The following IQSEC3 variants were observed in gnomAD, a reference collection of about 807,000 sequenced individuals.
IQSEC3 encodes IQ motif and SEC7 domain-containing protein 3.
IQSEC3 carries 50 observed loss-of-function variants against 105.4 expected under a neutral mutation model. The observed-to-expected ratio is 0.47, with a 90% CI of 0.38 to 0.60. IQSEC3 has a LOEUF of 0.60. Ranked by LOEUF, IQSEC3 falls within the 20% of genes least tolerant of loss-of-function variation. The pLI is 0.00. For missense variants in IQSEC3, 1,415 were observed against 1,630.0 expected (o/e 0.87, Z 2.27); for synonymous variants, 708 against 746.0 (o/e 0.95, Z 0.83).
At chr12:121,234 G>C (rs1354243784) in intron 2 of IQSEC3, among the ~76,000 whole-genome samples, 1 of 152,246 alleles carries the variant, frequency 6.6e-6, no homozygotes, top group Non-Finnish European at 1.5e-5. Context: ...CTGGGAGCTA[G>C]AGCGATGGGC....
chr12:147,524 C>A (rs1399207914), intron 5 of IQSEC3, among the ~76,000 whole-genome samples: 1 of 152,186 alleles, frequency 6.6e-6, no homozygotes, highest in Non-Finnish European at 1.5e-5. Flanking sequence ...GCCCTTAACC[C>A]TGCACCATCC....
chr12:153,216 C>T (rs967588841), intron 5 of IQSEC3, among the ~76,000 whole-genome samples: 1 of 152,044 alleles, frequency 6.6e-6, no homozygotes, highest in Admixed American at 6.5e-5. Flanking sequence ...CTGGAATGAG[C>T]AGGGCTTATG....
rs375816646 is a variant in IQSEC3 at position 121,833 on chromosome 12, C to T, written c.624-3800C>T. On this transcript the variant is annotated intron_variant, in intron 2 of 13. Coordinates refer to ENST00000538872, the MANE Select transcript of IQSEC3 (RefSeq NM_001170738.2). ...CCCTGTATTAGGGTCTACTGTGTTCCGGGCGCTGTCCTAGGTGCTGTGTGT... is the reference window on the plus strand; with the variant it reads ...CCCTGTATTAGGGTCTACTGTGTTCTGGGCGCTGTCCTAGGTGCTGTGTGT... Among the ~76,000 whole-genome samples, 20 of 152,284 alleles carry T rather than the reference C, an allele frequency of 1.3e-4. No homozygotes were observed. The East Asian group carries it at 1.7e-3, about 13-fold the overall frequency.
chr12:159,071 C>T (rs1866797727), intron 7 of IQSEC3, among the ~76,000 whole-genome samples: 1 of 152,238 alleles, frequency 6.6e-6, no homozygotes, highest in African/African-American at 2.4e-5. Context: ...CGTCAGTGCT[C>T]ATGTTATTAG....
intron 11 of IQSEC3, chr12:167,053 C>T (rs1231753275): frequency 6.6e-6 from 1 of 152,158 alleles, no homozygotes; most frequent in Admixed American, 6.5e-5. Context: ...TGGGATCCAT[C>T]GGACTGGACT....
intron 7 of IQSEC3, among the ~76,000 whole-genome samples, chr12:158,401 G>A (rs781848649): frequency 1.3e-5 from 2 of 151,900 alleles, no homozygotes; most frequent in South Asian, 2.1e-4. Flanking sequence ...TTTTTTAACT[G>A]GCATAAAGTC....
At chr12:172,103 C>G (rs568613699) in intron 13 of IQSEC3, among the ~76,000 whole-genome samples, 1 of 152,180 alleles carries the variant, frequency 6.6e-6, no homozygotes, top group Admixed American at 6.5e-5. Context: ...GCAACCCTAA[C>G]CTCGACCCGG....
intron 13 of IQSEC3, 183 bp downstream of exon 13, chr12:171,344 G>A (rs1555100231): frequency 6.2e-7 from 1 of 1,608,616 alleles, no homozygotes; most frequent in Non-Finnish European, 8.5e-7. Context: ...CACTGTTCCA[G>A]CGCCTAATTA....
At chr12:145,847 C>A (rs1474266696) in intron 5 of IQSEC3, among the ~76,000 whole-genome samples, 1 of 152,194 alleles carries the variant, frequency 6.6e-6, no homozygotes, top group Non-Finnish European at 1.5e-5. Flanking sequence ...TGGCTGTGAG[C>A]GGCCTCTTTC....
chr12:83,172 C>A (rs1278928430), intron 1 of IQSEC3, among the ~76,000 whole-genome samples: 1 of 152,134 alleles, frequency 6.6e-6, no homozygotes, highest in African/African-American at 2.4e-5. Context: ...GGCAGCTGAG[C>A]GTGGCATTGT....
intron 1 of IQSEC3, among the ~76,000 whole-genome samples, chr12:94,799 C>A (rs1864195578): frequency 6.6e-6 from 1 of 152,248 alleles, no homozygotes; most frequent in Admixed American, 6.5e-5. Context: ...CCCCCAGGCA[C>A]CACTGTGCCA....
rs545014666 is a variant in IQSEC3, at chr12:163,025, A to G, written c.2584-469A>G. ...GCCCCTTCTCTGGCCGTGCTCCCCA[A>G]GAAGCATGACAGGGATGAGCCCTGG... is the stretch of plus-strand genomic sequence containing the variant. On this transcript the variant is annotated intron_variant, in intron 8 of 13. Transcript: ENST00000538872. 3.9e-5 allele frequency among the ~76,000 whole-genome samples: 6 copies of G among 152,166 alleles called. No individual in the cohort carries two copies. The East Asian group carries it at 9.7e-4, about 25-fold the overall frequency.
At chr12:165,960 C>A in intron 11 of IQSEC3, 70 bp downstream of exon 11, 1 of 1,549,146 alleles carries the variant, frequency 6.5e-7, no homozygotes, top group Non-Finnish European at 8.8e-7. Flanking sequence ...CAGCTTGAGA[C>A]AGACATGCCT....
In IQSEC3 at chr12:153,686, G is replaced by T. The variant is rs146044766; in HGVS notation, c.2154-3339G>T. Among the ~76,000 whole-genome samples the T allele has an allele frequency of 9.5e-3, 1,446 of 152,320 alleles. 12 individuals carry two copies. The highest frequency in any genetic ancestry group is 0.014 in the Non-Finnish European group (976 of 68,022). On this transcript the variant is annotated intron_variant, in intron 5 of 13. Coordinates refer to ENST00000538872, the MANE Select transcript of IQSEC3 (RefSeq NM_001170738.2). ...GACGGCAGGTGCATAGCCAGGGGAA[G>T]AACTACATCTGTTTATGCCTCCATC... is the stretch of plus-strand genomic sequence containing the variant.
chr12:172,262 C>T (rs1939045327), intron 13 of IQSEC3, among the ~76,000 whole-genome samples: 1 of 150,954 alleles, frequency 6.6e-6, no homozygotes, highest in Non-Finnish European at 1.5e-5. Flanking sequence ...GGAGGAGGCA[C>T]CTTTACAAGG....
At chr12:97,046 T>C (rs1864260726) in intron 1 of IQSEC3, among the ~76,000 whole-genome samples, 1 of 152,250 alleles carries the variant, frequency 6.6e-6, no homozygotes, top group Non-Finnish European at 1.5e-5. Context: ...ATTGGCATTT[T>C]CCTATTTACT....
chr12:108,651 C>T (rs922529031), intron 2 of IQSEC3, among the ~76,000 whole-genome samples: 10 of 152,354 alleles, frequency 6.6e-5, no homozygotes, highest in South Asian at 2.1e-4. Context: ...TTCATTTAGG[C>T]GCCTTTCCAG....
At chr12:83,700 G>A (rs1555071312) in intron 1 of IQSEC3, among the ~76,000 whole-genome samples, 1 of 150,704 alleles carries the variant, frequency 6.6e-6, no homozygotes, top group African/African-American at 2.4e-5. Flanking sequence ...TGGGAAGGCG[G>A]GCGGGGGAGG....
chr12:129,402 C>G (rs56709758), intron 3 of IQSEC3, among the ~76,000 whole-genome samples: 36,071 of 152,130 alleles, frequency 0.24, 4,500 homozygotes, highest in Admixed American at 0.28. Context: ...GCAAACGAGG[C>G]CTACCCTCCA....
Sources: allele counts gnomAD v4.1 joint callset (sites outside exome capture counted in the v4.1 genomes callset), GRCh38; gene constraint gnomAD v4.1.1; transcripts MANE v1.5; gene names NCBI Gene and HGNC (gene_info 2026-07-23, HGNC 2026-07-21).